Variants in POT1 observed in about 807,000 individuals in gnomAD.
POT1 encodes protection of telomeres 1, also known as protection of telomeres protein 1.
Under a neutral mutation model 78.5 loss-of-function variants are expected in POT1, and 47 were observed. The ratio of observed to expected loss-of-function variants is 0.60; its 90% CI spans 0.47 to 0.76. POT1 has a LOEUF of 0.76. Among genes scored for constraint, POT1 ranks in the 30% least tolerant of loss-of-function variants. The pLI, the probability that POT1 is intolerant of heterozygous loss-of-function variation, is 0.00. For synonymous variants in POT1, 259 were observed against 260.7 expected (o/e 0.99, Z 0.06); for missense variants, 646 against 749.9 (o/e 0.86, Z 1.62).
intron 9 of POT1, among the ~76,000 whole-genome samples, chr7:124,858,415 A>G (rs912827246): frequency 1.3e-5 from 2 of 152,168 alleles, no homozygotes; most frequent in African/African-American, 4.8e-5. Context: ...TGCCATATCT[A>G]AACTGTGCAC....
chr7:124,888,179 T>TGTGG (rs1796289893), intron 6 of POT1, among the ~76,000 whole-genome samples: 1 of 152,112 alleles, frequency 6.6e-6, no homozygotes, highest in African/African-American at 2.4e-5. Flanking sequence ...TTTCTTTGCA[T>TGTGG]GTGGATATAC....
intron 6 of POT1, among the ~76,000 whole-genome samples, chr7:124,883,515 A>T (rs1437598537): frequency 6.6e-6 from 1 of 152,116 alleles, no homozygotes; most frequent in African/African-American, 2.4e-5. Context: ...AAATGAGTGA[A>T]CCGAAATACA....
intron 18 of POT1, among the ~76,000 whole-genome samples, chr7:124,824,330 T>G (rs1168215624): frequency 2.6e-5 from 4 of 152,050 alleles, no homozygotes; most frequent in Non-Finnish European, 5.9e-5. Context: ...ATCTTGGGTT[T>G]CAAAATGGTT....
intron 11 of POT1, among the ~76,000 whole-genome samples, chr7:124,849,450 T>G (rs1194342936): frequency 6.6e-6 from 1 of 152,192 alleles, no homozygotes. Context: ...ACCTTTCACC[T>G]GCTTAACTGT....
rs34719593 is a variant in POT1 at position 124,840,956 on chromosome 7, T to C, written c.1369+17A>G. ...CAAAAGGAGTATTCTAACAAAACAGTGACTTAAATATCTTACCTTCTATCA... is the reference window on the plus strand; with the variant it reads ...CAAAAGGAGTATTCTAACAAAACAGCGACTTAAATATCTTACCTTCTATCA... On this transcript the variant is annotated intron_variant, in intron 14 of 18. Coordinates refer to ENST00000357628, the MANE Select transcript of POT1 (RefSeq NM_015450.3). 6.4e-7 allele frequency: 1 copy of C among 1,558,544 alleles called. No homozygotes were observed. The highest frequency in any genetic ancestry group is 8.8e-7 in the Non-Finnish European group (1 of 1,133,494).
At chr7:124,888,190 A>G (rs1016440485) in intron 6 of POT1, among the ~76,000 whole-genome samples, 4 of 152,078 alleles carry the variant, frequency 2.6e-5, no homozygotes, top group Admixed American at 2.6e-4. Flanking sequence ...GTGGATATAC[A>G]GTTTTCCCAG....
At chr7:124,829,833 A>G (rs1015348254) in intron 15 of POT1, among the ~76,000 whole-genome samples, 1 of 152,012 alleles carries the variant, frequency 6.6e-6, no homozygotes, top group Non-Finnish European at 1.5e-5. Context: ...CCAAGTAGCT[A>G]GAACCACAGT....
intron 9 of POT1, among the ~76,000 whole-genome samples, chr7:124,855,335 TA>T (rs1345639923): frequency 1.3e-5 from 2 of 151,458 alleles, no homozygotes; most frequent in Non-Finnish European, 3.0e-5. Context: ...GCAAAACATT[TA>T]AAAAATAAGG....
Position 124,865,705 on chromosome 7 carries a change from T to A in POT1, c.256-2065A>T, listed in dbSNP as rs762912025. Reference sequence around the variant, plus strand: ...TTTTTAAGTTATTTTATTTATTAATTATTATTATTATTATTATTTTGAGAC... The same window carrying A: ...TTTTTAAGTTATTTTATTTATTAATAATTATTATTATTATTATTTTGAGAC... On this transcript the variant is annotated intron_variant, in intron 7 of 18. Transcript: ENST00000357628. Among the ~76,000 whole-genome samples the A allele has an allele frequency of 3.6e-4, 54 of 150,554 alleles. 1 individual carries two copies. The highest frequency in any genetic ancestry group is 7.2e-4 in the Non-Finnish European group (49 of 67,670).
intron 14 of POT1, 110 bp downstream of exon 14, chr7:124,840,863 A>G (rs1326124813): frequency 1.3e-5 from 10 of 786,282 alleles, no homozygotes; most frequent in African/African-American, 3.5e-5. Flanking sequence ...TTTAAATACT[A>G]TTTTTACTTT....
Position 124,892,258 on chromosome 7 carries a change from A to C in POT1, c.124+8T>G. 1 of 1,491,282 alleles carries C rather than the reference A, an allele frequency of 6.7e-7. No individual in the cohort carries two copies. Among genetic ancestry groups the C allele is most frequent in the Non-Finnish European group, 9.0e-7 (1 of 1,110,590 alleles). The allele number at this position is 1,491,282 out of a possible 1,614,324, so 92.4% of individuals were successfully genotyped here. On this transcript the variant is annotated splice_region_variant and intron_variant, in intron 6 of 18. Coordinates refer to ENST00000357628, the MANE Select transcript of POT1 (RefSeq NM_015450.3). ...ACTCCAAAAAACTCCACCAGTTTTA[A>C]TACCTACCAGTTCCTTTGCTTAGAT...
chr7:124,859,254 C>G, intron 8 of POT1, 142 bp from the exon 9 acceptor site: 1 of 538,542 alleles, frequency 1.9e-6, no homozygotes, highest in Non-Finnish European at 3.0e-6. Flanking sequence ...ACATTATTTT[C>G]TGATTGTTAA....
chr7:124,828,701 GA>G (rs949723311), intron 16 of POT1, among the ~76,000 whole-genome samples: 2 of 151,062 alleles, frequency 1.3e-5, no homozygotes, highest in East Asian at 3.9e-4. Context: ...TCATGTGACA[GA>G]AAAAAAAATT....
At chr7:124,825,181 C>A in intron 18 of POT1, 71 bp downstream of exon 18, 1 of 933,284 alleles carries the variant, frequency 1.1e-6, no homozygotes, top group Non-Finnish European at 1.6e-6. Flanking sequence ...TCTAAAAGTC[C>A]ACAGAGTACA....
chr7:124,835,218 T>A, intron 15 of POT1, 61 bp downstream of exon 15: 4 of 1,581,680 alleles, frequency 2.5e-6, no homozygotes, highest in Non-Finnish European at 3.5e-6. Flanking sequence ...GTTCAGCACA[T>A]GACCCCAGAA....
chr7:124,843,394 T>C (rs1795078529), intron 12 of POT1: 2 of 152,560 alleles, frequency 1.3e-5, no homozygotes, highest in South Asian at 4.1e-4. Flanking sequence ...CAGTTACTTT[T>C]TACAGAACCA....
At chr7:124,862,311 C>A (rs1795617504) in intron 8 of POT1, among the ~76,000 whole-genome samples, 1 of 152,124 alleles carries the variant, frequency 6.6e-6, no homozygotes, top group African/African-American at 2.4e-5. Context: ...TGCCTCAGTG[C>A]ATAGTAGTAG....
chr7:124,852,936 T>A (rs1795348517), intron 10 of POT1, 36 bp downstream of exon 10: 1 of 1,576,144 alleles, frequency 6.3e-7, no homozygotes, highest in Non-Finnish European at 8.7e-7. Context: ...GCTTAATCGA[T>A]ACCTTATTTA....
chr7:124,845,579 C>T (rs1795144185), intron 12 of POT1, among the ~76,000 whole-genome samples: 1 of 152,160 alleles, frequency 6.6e-6, no homozygotes, highest in African/African-American at 2.4e-5. Context: ...TAAAAACTTA[C>T]TGTTTCCCCC....
Sources: allele counts gnomAD v4.1 joint callset (sites outside exome capture counted in the v4.1 genomes callset), GRCh38; gene constraint gnomAD v4.1.1; transcripts MANE v1.5; gene names NCBI Gene and HGNC (gene_info 2026-07-23, HGNC 2026-07-21).